The following SCAPER variants were observed in gnomAD, a reference collection of about 807,000 sequenced individuals.
The protein encoded by SCAPER is S-phase cyclin A associated protein in the ER, also known as S phase cyclin A-associated protein in the endoplasmic reticulum.
A neutral mutation model predicts 182.2 loss-of-function variants in SCAPER; 98 were observed. The observed-to-expected ratio is 0.54, with a 90% CI of 0.46 to 0.64. SCAPER has a LOEUF of 0.64. Ranked by LOEUF, SCAPER falls within the 30% of genes least tolerant of loss-of-function variation. The probability of loss-of-function intolerance (pLI) is 0.00; values close to 1 mark genes in which losing one functional copy is unlikely to be tolerated. For synonymous variants in SCAPER, 605 were observed against 564.6 expected, an observed-to-expected ratio of 1.07 and a Z score of -1.01; for missense variants, 1,432 against 1,690.0, an observed-to-expected ratio of 0.85 and a Z score of 2.68.
At chr15:76,505,105 A>G (rs1252597795) in intron 23 of SCAPER, 131 bp from the exon 24 acceptor site, 1 of 699,122 alleles carries the variant, frequency 1.4e-6, no homozygotes, top group East Asian at 2.8e-5. Flanking sequence ...TATTTGCTGA[A>G]TGCTACTCAC....
intron 22 of SCAPER, among the ~76,000 whole-genome samples, chr15:76,615,303 G>T (rs73457048): frequency 6.6e-6 from 1 of 151,860 alleles, no homozygotes; most frequent in Admixed American, 6.6e-5. Flanking sequence ...AAAATTATCC[G>T]AGTTGGTGGC....
chr15:76,865,159 A>G (rs1042755458), intron 2 of SCAPER, among the ~76,000 whole-genome samples: 2 of 152,170 alleles, frequency 1.3e-5, no homozygotes, highest in Admixed American at 1.3e-4. Context: ...AAAAGATATA[A>G]GCCCAATTCT....
At chr15:76,636,110 T>C (rs2053576502) in intron 21 of SCAPER, among the ~76,000 whole-genome samples, 2 of 152,182 alleles carry the variant, frequency 1.3e-5, no homozygotes, top group Non-Finnish European at 2.9e-5. Flanking sequence ...AACAATTCAG[T>C]TACTGTTTAT....
At chr15:76,669,298 C>T (rs1056651042) in intron 20 of SCAPER, among the ~76,000 whole-genome samples, 1 of 152,186 alleles carries the variant, frequency 6.6e-6, no homozygotes, top group Non-Finnish European at 1.5e-5. Flanking sequence ...CTTTGATAAA[C>T]TAGGCCTATG....
At chr15:76,536,694 T>C (rs901680339) in intron 23 of SCAPER, among the ~76,000 whole-genome samples, 2 of 151,946 alleles carry the variant, frequency 1.3e-5, no homozygotes, top group Admixed American at 6.6e-5. Flanking sequence ...CTATTCAACA[T>C]AGTGTTGGAA....
intron 8 of SCAPER, among the ~76,000 whole-genome samples, chr15:76,776,343 T>C (rs541882145): frequency 3.3e-5 from 5 of 152,258 alleles, no homozygotes; most frequent in South Asian, 2.1e-4. Flanking sequence ...CTGTTCCCCA[T>C]GGTTTCAGTA....
intron 4 of SCAPER, among the ~76,000 whole-genome samples, chr15:76,846,268 A>G (rs945533949): frequency 1.3e-5 from 2 of 152,122 alleles, no homozygotes; most frequent in Non-Finnish European, 2.9e-5. Context: ...GAAAATCTCC[A>G]GGACACTGGT....
chr15:76,552,117 T>C (rs2045824379), intron 23 of SCAPER, among the ~76,000 whole-genome samples: 1 of 151,904 alleles, frequency 6.6e-6, no homozygotes, highest in Admixed American at 6.6e-5. Context: ...GAGATCCTGT[T>C]TCTACAAATT....
intron 17 of SCAPER, among the ~76,000 whole-genome samples, chr15:76,726,823 G>C (rs977838130): frequency 6.6e-6 from 1 of 151,962 alleles, no homozygotes; most frequent in African/African-American, 2.4e-5. Flanking sequence ...GATTGTCAGA[G>C]GCAAGTGGGG....
In SCAPER at chr15:76,610,950, C is replaced by T. The variant is rs1314017380; in HGVS notation, c.2711+10814G>A. 2.0e-5 allele frequency among the ~76,000 whole-genome samples: 3 copies of T among 152,074 alleles called. No individual in the cohort carries two copies. The East Asian group carries it at 5.8e-4, about 29-fold the overall frequency. Reference sequence around the variant, plus strand: ...ATACAAATGGAACAACAATACTCCCCAAATAGTTAAAGCAATCTTGAGCAA... The same window carrying T: ...ATACAAATGGAACAACAATACTCCCTAAATAGTTAAAGCAATCTTGAGCAA... On this transcript the variant is annotated intron_variant, in intron 22 of 31. Coordinates refer to ENST00000563290, the MANE Select transcript of SCAPER (RefSeq NM_020843.4).
At chr15:76,565,114 T>C (rs2046942123) in intron 23 of SCAPER, among the ~76,000 whole-genome samples, 2 of 152,044 alleles carry the variant, frequency 1.3e-5, no homozygotes, top group African/African-American at 2.4e-5. Context: ...AAAGATCTTA[T>C]GATGAAGACA....
chr15:76,711,159 A>C (rs2059540673), intron 17 of SCAPER, among the ~76,000 whole-genome samples: 1 of 152,178 alleles, frequency 6.6e-6, no homozygotes, highest in African/African-American at 2.4e-5. Context: ...AATTTCTTAG[A>C]TATGAAAACC....
chr15:76,858,592 T>C (rs1382915289), intron 3 of SCAPER, among the ~76,000 whole-genome samples: 1 of 152,148 alleles, frequency 6.6e-6, no homozygotes, highest in Admixed American at 6.6e-5. Context: ...AACTGATAGG[T>C]AGTTTTTCAA....
Position 76,471,233 on chromosome 15 carries a change from G to A in SCAPER, c.3057C>T (p.Asp1019=), listed in dbSNP as rs1840158544. 6.2e-7 allele frequency: 1 copy of A among 1,610,502 alleles called. No homozygotes were observed. The highest frequency in any genetic ancestry group is 1.3e-5 in the African/African-American group (1 of 74,680). Residue 1019 remains aspartate (D), a synonymous_variant, in exon 25 of 32, where the codon GAC becomes GAT. Coordinates refer to ENST00000563290, the MANE Select transcript of SCAPER (RefSeq NM_020843.4). Reference sequence around the variant, plus strand: ...ATACCGTCAACTGGTGTATCAGGAGGTCCATTAAGAAGGTAATCTTGTTAC... The same window carrying A: ...ATACCGTCAACTGGTGTATCAGGAGATCCATTAAGAAGGTAATCTTGTTAC... ...LFSNKITFLM[D]LLIHQLTVYV...
At chr15:76,837,664 C>T (rs903867298) in intron 5 of SCAPER, among the ~76,000 whole-genome samples, 1 of 152,152 alleles carries the variant, frequency 6.6e-6, no homozygotes, top group Admixed American at 6.5e-5. Context: ...CATGACTAAT[C>T]ATCAGACAAA....
At chr15:76,675,453 A>G (rs2057313857) in intron 20 of SCAPER, among the ~76,000 whole-genome samples, 2 of 152,204 alleles carry the variant, frequency 1.3e-5, no homozygotes, top group Non-Finnish European at 2.9e-5. Flanking sequence ...AAGAGGTGAT[A>G]TATTTGTATT....
intron 21 of SCAPER, among the ~76,000 whole-genome samples, chr15:76,655,246 C>A (rs1425231398): frequency 6.6e-6 from 1 of 152,050 alleles, no homozygotes; most frequent in Non-Finnish European, 1.5e-5. Flanking sequence ...TTGAGAATTT[C>A]ATAATAAAAT....
At chr15:76,397,194 G>A (rs1272991909) in intron 27 of SCAPER, among the ~76,000 whole-genome samples, 2 of 152,002 alleles carry the variant, frequency 1.3e-5, no homozygotes, top group Non-Finnish European at 2.9e-5. Flanking sequence ...TGATCATAAT[G>A]AATGATCTTT....
chr15:76,386,133 C>G (rs1035188748), intron 27 of SCAPER, among the ~76,000 whole-genome samples: 3 of 152,186 alleles, frequency 2.0e-5, no homozygotes, highest in African/African-American at 4.8e-5. Flanking sequence ...CTTTCTAACG[C>G]TGACTTTCTT....
Sources: gnomAD v4.1 joint callset for allele counts (sites outside exome capture counted in the v4.1 genomes callset) on GRCh38, gnomAD v4.1.1 for gene constraint, MANE v1.5 for transcripts, NCBI Gene and HGNC (gene_info 2026-07-23, HGNC 2026-07-21) for gene names.